AGAP1: variants seen among roughly 807,000 people sequenced by gnomAD.
AGAP1 encodes the protein arf-GAP with GTPase, ANK repeat and PH domain-containing protein 1.
In AGAP1, 29 loss-of-function variants were observed where a neutral mutation model predicts 105.3. That is an observed-to-expected ratio of 0.28 (90% CI 0.21 to 0.38). AGAP1 has a LOEUF of 0.38. AGAP1 is among the 10% of genes least tolerant of loss of function. The pLI is 1.00. For missense variants in AGAP1, 998 were observed against 1,165.1 expected, an observed-to-expected ratio of 0.86 and a Z score of 2.09; for synonymous variants, 509 against 485.9, an observed-to-expected ratio of 1.05 and a Z score of -0.63.
chr2:235,650,286 C>T (rs977002325), intron 1 of AGAP1, among the ~76,000 whole-genome samples: 10 of 152,286 alleles, frequency 6.6e-5, no homozygotes, highest in South Asian at 2.1e-4. Flanking sequence ...CACTTGAACT[C>T]GGGAGGTGGA....
chr2:236,084,081 A>G (rs570611032), intron 16 of AGAP1, among the ~76,000 whole-genome samples: 2 of 152,310 alleles, frequency 1.3e-5, no homozygotes, highest in African/African-American at 4.8e-5. Flanking sequence ...TCAGCCGGGC[A>G]GGAAGGCAGG....
intron 13 of AGAP1, among the ~76,000 whole-genome samples, chr2:235,974,926 A>C (rs1271070133): frequency 3.9e-5 from 6 of 152,356 alleles, no homozygotes; most frequent in South Asian, 2.1e-4. Context: ...GATTATGGAG[A>C]TAAGACATGC....
chr2:236,124,227 T>C lies in AGAP1; in HGVS notation c.*105T>C. The C allele has an allele frequency of 7.8e-7, 1 of 1,279,564 alleles. No homozygotes were observed. The highest frequency in any genetic ancestry group is 1.1e-6 in the Non-Finnish European group (1 of 919,926). 79.3% of individuals were successfully genotyped at this position (1,279,564 alleles called of 1,614,324 possible). On this transcript the variant is annotated 3_prime_UTR_variant, in exon 18 of 18. Transcript: ENST00000304032. The surrounding 1 kb of genome is among the most constrained non-coding windows in gnomAD (Gnocchi z 5.1). ...GAGTCCCGTCGCATCCCCTCCCTCT[T>C]CCTGGTGGCCACCTCCCTCCCGCCC...
chr2:235,937,265 GACCCC>G (rs1333269710), intron 12 of AGAP1, among the ~76,000 whole-genome samples: 1 of 152,212 alleles, frequency 6.6e-6, no homozygotes. Context: ...TTAAAAGGCT[GACCCC>G]GCTCCCTTCT....
rs11342740 is a variant in AGAP1, at chr2:236,072,125, G to GTT, written c.2114+22866_2114+22867dup. Among the ~76,000 whole-genome samples the GTT allele has an allele frequency of 5.3e-3, 588 of 111,902 alleles. 9 individuals are homozygous for GTT. The highest frequency in any genetic ancestry group is 0.016 in the African/African-American group (503 of 31,698). The allele number at this position is 111,902 out of a possible 152,430, so 73.4% of individuals were successfully genotyped here. A position where few individuals can be genotyped will look rare whatever the true frequency, so the allele number is the denominator to read the frequency against. ...TCTCCAAAAGTAGTCTTCGTTGTGG[G>GTT]TTTTTTTTTTTTTTTTTTTTTTTAG... On this transcript the variant is annotated intron_variant, in intron 16 of 17. Transcript: ENST00000304032.
At chr2:236,077,136 A>ATATATATATATAT (rs1309896544) in intron 16 of AGAP1, among the ~76,000 whole-genome samples, 1 of 144,300 alleles carries the variant, frequency 6.9e-6, no homozygotes, top group African/African-American at 2.6e-5. Context: ...GAAAAAAAAA[A>ATATATATATATAT]AAAAAAATAT....
At chr2:235,634,316 A>T (rs1318480473) in intron 1 of AGAP1, among the ~76,000 whole-genome samples, 1 of 152,116 alleles carries the variant, frequency 6.6e-6, no homozygotes. Flanking sequence ...CATCCTTTGG[A>T]GTCTTAAACA....
At chr2:235,795,363 C>CT (rs752766240) in intron 6 of AGAP1, among the ~76,000 whole-genome samples, 1 of 152,200 alleles carries the variant, frequency 6.6e-6, no homozygotes, top group Non-Finnish European at 1.5e-5. Context: ...AAATTTGTGG[C>CT]TATTTGCAGC....
At position 235,970,136 on chromosome 2, in the gene AGAP1, A is replaced by AG. The variant is rs912438060; in HGVS notation, c.1645+1515dup. On this transcript the variant is annotated intron_variant, in intron 13 of 17. Transcript: ENST00000304032. This position sits in a 1 kb window ranked among gnomAD's most constrained non-coding sequence, Gnocchi z 5.4. ...AGCATTGATTGAACCCAGGAGGTGG[A>AG]GGTTGCAGTGAACCGAGACCATGCC... is the stretch of plus-strand genomic sequence containing the variant. Among the ~76,000 whole-genome samples, 4 of 142,516 alleles carry AG rather than the reference A, an allele frequency of 2.8e-5. No individual in the cohort carries two copies. Among genetic ancestry groups the AG allele is most frequent in the African/African-American group, 1.1e-4 (4 of 38,058 alleles). 93.5% of individuals were successfully genotyped at this position (142,516 alleles called of 152,430 possible).
chr2:235,906,280 C>T lies in AGAP1; in HGVS notation c.1156-2458C>T, dbSNP rs2051302060. On this transcript the variant is annotated intron_variant, in intron 10 of 17. Coordinates refer to ENST00000304032, the MANE Select transcript of AGAP1 (RefSeq NM_001037131.3). This position sits in a 1 kb window ranked among gnomAD's most constrained non-coding sequence, Gnocchi z 5.3. ...CTGTCTGTCCTTTGCCGGGGAATGCCCGGCCTTGCCCCTGCCTCTGAATTT... is the reference window on the plus strand; with the variant it reads ...CTGTCTGTCCTTTGCCGGGGAATGCTCGGCCTTGCCCCTGCCTCTGAATTT... Among the ~76,000 whole-genome samples the T allele has an allele frequency of 6.6e-6, 1 of 152,190 alleles. No individual in the cohort carries two copies. Among genetic ancestry groups the T allele is most frequent in the Non-Finnish European group, 1.5e-5 (1 of 68,034 alleles).
At chr2:235,528,738 G>A (rs1038543511) in intron 1 of AGAP1, among the ~76,000 whole-genome samples, 2 of 152,110 alleles carry the variant, frequency 1.3e-5, no homozygotes, top group East Asian at 1.9e-4. Context: ...GTGCAGTGGC[G>A]TGATCTTGGC....
chr2:235,554,583 T>G (rs1342629267), intron 1 of AGAP1, among the ~76,000 whole-genome samples: 1 of 152,246 alleles, frequency 6.6e-6, no homozygotes, highest in African/African-American at 2.4e-5. Flanking sequence ...CGCCTGTGGT[T>G]GGAGGTTCCA....
intron 1 of AGAP1, among the ~76,000 whole-genome samples, chr2:235,644,079 C>T (rs990379853): frequency 6.6e-6 from 1 of 152,152 alleles, no homozygotes; most frequent in Non-Finnish European, 1.5e-5. Context: ...GCAGCCTTCA[C>T]GTTCTGGAAG....
In AGAP1 at chr2:235,961,788, G is replaced by C. The variant is rs1034924883; in HGVS notation, c.1484-6674G>C. Among the ~76,000 whole-genome samples the C allele has an allele frequency of 1.3e-5, 2 of 152,194 alleles. No homozygotes were observed. Among genetic ancestry groups the C allele is most frequent in the Non-Finnish European group, 2.9e-5 (2 of 68,040 alleles). On this transcript the variant is annotated intron_variant, in intron 12 of 17. Transcript: ENST00000304032. This position sits in a 1 kb window ranked among gnomAD's most constrained non-coding sequence, Gnocchi z 5.9. ...TGGGCGTGGTGCAGGAGAATCTCTT[G>C]AACCCAGGAGGCAGAGGTGGCAGTG...
intron 3 of AGAP1, among the ~76,000 whole-genome samples, chr2:235,730,988 C>T (rs1050656418): frequency 5.3e-5 from 8 of 152,238 alleles, no homozygotes; most frequent in African/African-American, 9.6e-5. Flanking sequence ...GCCCCTAGCC[C>T]GGCTCTCCTT....
rs1574936494 is a variant in AGAP1 at position 235,599,227 on chromosome 2, A to T, written c.163+104378A>T. ...CAGTCCCTTCCACGAATGCTGCGAG[A>T]ACCCACACAGCTGTTCATTTCGGTG... On this transcript the variant is annotated intron_variant, in intron 1 of 17. Transcript: ENST00000304032. The surrounding 1 kb of genome is among the most constrained non-coding windows in gnomAD (Gnocchi z 5.3). Among the ~76,000 whole-genome samples the T allele has an allele frequency of 6.6e-6, 1 of 152,154 alleles. No individual in the cohort carries two copies. Among genetic ancestry groups the T allele is most frequent in the African/African-American group, 2.4e-5 (1 of 41,432 alleles).
chr2:235,946,544 C>T (rs2053510691), intron 12 of AGAP1, among the ~76,000 whole-genome samples: 1 of 152,076 alleles, frequency 6.6e-6, no homozygotes, highest in Non-Finnish European at 1.5e-5. Flanking sequence ...ATGTACTTAA[C>T]AGCATTTAAA....
intron 9 of AGAP1, among the ~76,000 whole-genome samples, chr2:235,811,232 C>T (rs747978694): frequency 2.0e-5 from 3 of 152,264 alleles, no homozygotes; most frequent in Admixed American, 6.5e-5. Flanking sequence ...CCGTGCCCTT[C>T]GCAGAGCCCC....
At chr2:235,844,156 CA>C (rs1170207763) in intron 9 of AGAP1, among the ~76,000 whole-genome samples, 1 of 152,236 alleles carries the variant, frequency 6.6e-6, no homozygotes, top group Admixed American at 6.5e-5. Context: ...CTTGCCCCCA[CA>C]GGCCTCCCCT....
Sources: allele counts gnomAD v4.1 joint callset (sites outside exome capture counted in the v4.1 genomes callset), GRCh38; gene constraint gnomAD v4.1.1; non-coding constraint Gnocchi (gnomAD v3.1); transcripts MANE v1.5; gene names NCBI Gene and HGNC (gene_info 2026-07-23, HGNC 2026-07-21).